CHCHD3: variants seen among roughly 807,000 people sequenced by gnomAD.
CHCHD3 encodes the protein MICOS complex subunit MIC19.
Under a neutral mutation model 38.2 loss-of-function variants are expected in CHCHD3, and 20 were observed. That is an observed-to-expected ratio of 0.52 (90% CI 0.37 to 0.76). The LOEUF (loss-of-function observed/expected upper bound fraction) is 0.76, where lower values mean the gene tolerates loss of function less well. Among genes scored for constraint, CHCHD3 ranks in the 30% least tolerant of loss-of-function variants. The pLI, the probability that CHCHD3 is intolerant of heterozygous loss-of-function variation, is 0.00. For synonymous variants in CHCHD3, 82 were observed against 100.0 expected (o/e 0.82, Z 1.07); for missense variants, 245 against 279.2 (o/e 0.88, Z 0.87).
chr7:132,800,097 TA>T (rs1198899179), intron 6 of CHCHD3, among the ~76,000 whole-genome samples: 8 of 152,156 alleles, frequency 5.3e-5, no homozygotes, highest in East Asian at 1.9e-4. Context: ...AAAAGGCATC[TA>T]AAAAAATATA....
intron 4 of CHCHD3, among the ~76,000 whole-genome samples, chr7:132,956,162 T>C (rs555940552): frequency 7.5e-4 from 115 of 152,318 alleles, no homozygotes; most frequent in African/African-American, 2.6e-3. Context: ...GACTGCAACA[T>C]TAAGGCTTCC....
At chr7:132,902,612 G>T (rs1809698015) in intron 4 of CHCHD3, among the ~76,000 whole-genome samples, 1 of 152,130 alleles carries the variant, frequency 6.6e-6, no homozygotes, top group African/African-American at 2.4e-5. Flanking sequence ...GGTGGGAACT[G>T]AACAATGAGA....
chr7:133,072,613 G>A (rs1814856661), intron 1 of CHCHD3, among the ~76,000 whole-genome samples: 1 of 152,076 alleles, frequency 6.6e-6, no homozygotes. Flanking sequence ...GCCGAGGTGG[G>A]CGGATCACGA....
At chr7:133,026,089 G>A (rs976822389) in intron 2 of CHCHD3, among the ~76,000 whole-genome samples, 1 of 152,132 alleles carries the variant, frequency 6.6e-6, no homozygotes. Context: ...CCCTCAGAAT[G>A]GGAGAAAATA....
chr7:132,843,641 G>A (rs1807997602), intron 5 of CHCHD3, among the ~76,000 whole-genome samples: 1 of 152,180 alleles, frequency 6.6e-6, no homozygotes, highest in Non-Finnish European at 1.5e-5. Context: ...CCCTGAATGG[G>A]TACTGAGAGG....
Position 132,788,993 on chromosome 7 carries a change from G to A in CHCHD3, c.661-3333C>T, listed in dbSNP as rs1489252875. ...ATGAATTCATCTGTCAAACATTTTG[G>A]GTTATTATTATATTCCAGCTATGCG... On this transcript the variant is annotated intron_variant, in intron 7 of 7. Coordinates refer to ENST00000262570, the MANE Select transcript of CHCHD3 (RefSeq NM_017812.4). This position sits in a 1 kb window ranked among gnomAD's most constrained non-coding sequence, Gnocchi z 4.0. Among the ~76,000 whole-genome samples the A allele has an allele frequency of 2.0e-5, 3 of 152,150 alleles. No homozygotes were observed. The East Asian group carries it at 5.8e-4, about 29-fold the overall frequency.
At chr7:133,042,313 A>G (rs996505777) in intron 2 of CHCHD3, among the ~76,000 whole-genome samples, 5 of 152,156 alleles carry the variant, frequency 3.3e-5, no homozygotes, top group African/African-American at 1.2e-4. Flanking sequence ...GCATGTCCCT[A>G]AGATTCTCTC....
chr7:132,927,335 C>T (rs551095048), intron 4 of CHCHD3, among the ~76,000 whole-genome samples: 22 of 152,348 alleles, frequency 1.4e-4, no homozygotes, highest in Admixed American at 1.3e-4. Flanking sequence ...GTCTCGGGAA[C>T]CTCTGCATGC....
At chr7:132,811,645 A>G (rs1026192877) in intron 6 of CHCHD3, among the ~76,000 whole-genome samples, 7 of 152,214 alleles carry the variant, frequency 4.6e-5, no homozygotes, top group Admixed American at 6.5e-5. Flanking sequence ...GTCAAATCCA[A>G]TGATTTTTAG....
chr7:132,968,035 T>C (rs544054893), intron 4 of CHCHD3, among the ~76,000 whole-genome samples: 1 of 152,328 alleles, frequency 6.6e-6, no homozygotes, highest in Non-Finnish European at 1.5e-5. Context: ...TTTCTCCTTT[T>C]TCACTGCAGT....
chr7:132,795,041 C>T (rs541926342), intron 7 of CHCHD3, among the ~76,000 whole-genome samples: 26 of 152,228 alleles, frequency 1.7e-4, no homozygotes, highest in Non-Finnish European at 2.9e-4. Flanking sequence ...CCCAGACAGG[C>T]AGGATGGGGT....
chr7:132,815,976 G>A (rs1179173735), intron 6 of CHCHD3, among the ~76,000 whole-genome samples: 1 of 152,166 alleles, frequency 6.6e-6, no homozygotes, highest in African/African-American at 2.4e-5. Context: ...GAGCCACCAC[G>A]ATCAATTGGA....
At chr7:132,932,569 T>C (rs950521707) in intron 4 of CHCHD3, among the ~76,000 whole-genome samples, 6 of 152,238 alleles carry the variant, frequency 3.9e-5, no homozygotes, top group Admixed American at 6.5e-5. Flanking sequence ...CGTCTCCCAC[T>C]GTTCCCCTTT....
At chr7:133,015,624 G>C (rs1813008265) in intron 3 of CHCHD3, among the ~76,000 whole-genome samples, 1 of 152,104 alleles carries the variant, frequency 6.6e-6, no homozygotes, top group South Asian at 2.1e-4. Flanking sequence ...AATTGTAAAT[G>C]AAAGACTTTA....
chr7:132,822,850 CAAAAA>C lies in CHCHD3; in HGVS notation c.524+15544_524+15548del, dbSNP rs747303870. ...CAAAACAAAACAAAACAAAACAAAA[CAAAAA>C]ACCAAAACCAATCACTTGAAAGAAA... On this transcript the variant is annotated intron_variant, in intron 6 of 7. Transcript: ENST00000262570. Among the ~76,000 whole-genome samples, 285 of 149,882 alleles carry C rather than the reference CAAAAA, an allele frequency of 1.9e-3. 3 individuals carry two copies. In the Middle Eastern group the frequency reaches 0.031, roughly 16 times the overall value.
chr7:132,953,190 GTGATTAT>G (rs1562919254), intron 4 of CHCHD3, among the ~76,000 whole-genome samples: 1 of 152,156 alleles, frequency 6.6e-6, no homozygotes, highest in Admixed American at 6.6e-5. Flanking sequence ...GCCTTACTAA[GTGATTAT>G]AACCTTCTCC....
At chr7:132,953,598 G>A (rs1811085012) in intron 4 of CHCHD3, among the ~76,000 whole-genome samples, 1 of 152,180 alleles carries the variant, frequency 6.6e-6, no homozygotes, top group Non-Finnish European at 1.5e-5. Context: ...TATCCTGGAG[G>A]TCCCAGCAGG....
chr7:132,935,514 T>C (rs552292881), intron 4 of CHCHD3, among the ~76,000 whole-genome samples: 9 of 152,142 alleles, frequency 5.9e-5, no homozygotes, highest in Admixed American at 2.0e-4. Flanking sequence ...TTCTTGCAGG[T>C]TGTAATTTTA....
chr7:132,868,614 T>C (rs1808690015), intron 5 of CHCHD3, among the ~76,000 whole-genome samples: 1 of 152,126 alleles, frequency 6.6e-6, no homozygotes, highest in Non-Finnish European at 1.5e-5. Flanking sequence ...TGTGCCAGAA[T>C]TAAGTCTGAC....
Sources: gnomAD v4.1 joint callset for allele counts (sites outside exome capture counted in the v4.1 genomes callset) on GRCh38, gnomAD v4.1.1 for gene constraint, Gnocchi (gnomAD v3.1) non-coding constraint, MANE v1.5 for transcripts, NCBI Gene and HGNC (gene_info 2026-07-23, HGNC 2026-07-21) for gene names.